Variants in MTCL1 observed in about 807,000 individuals in gnomAD.
MTCL1 encodes microtubule cross-linking factor 1.
In MTCL1, 79 loss-of-function variants were observed where a neutral mutation model predicts 141.4. That is an observed-to-expected ratio of 0.56 (90% CI 0.47 to 0.67). MTCL1 has a LOEUF of 0.67. Ranked by LOEUF, MTCL1 falls within the 30% of genes least tolerant of loss-of-function variation. The pLI is 0.00. For synonymous variants in MTCL1, 914 were observed against 875.8 expected (o/e 1.04, Z -0.77); for missense variants, 2,177 against 2,113.9 (o/e 1.03, Z -0.59).
At chr18:8,801,386 C>T (rs1404226033) in intron 10 of MTCL1, among the ~76,000 whole-genome samples, 2 of 151,582 alleles carry the variant, frequency 1.3e-5, no homozygotes, top group South Asian at 2.1e-4. Context: ...TACGTCATAC[C>T]GTGATTCATT....
chr18:8,705,947 G>T lies in MTCL1; in HGVS notation c.287G>T (p.Arg96Leu). 1.0e-5 allele frequency: 11 copies of T among 1,099,006 alleles called. No individual in the cohort carries two copies. The highest frequency in any genetic ancestry group is 1.2e-5 in the Non-Finnish European group (11 of 905,430). The allele number at this position is 1,099,006 out of a possible 1,614,324, so 68.1% of individuals were successfully genotyped here. Residue 96 changes from arginine (R) to leucine (L), a missense_variant, in exon 1 of 14, where the codon CGC becomes CTC. Transcript: ENST00000306329. This position sits in a 1 kb window ranked among gnomAD's most constrained non-coding sequence, Gnocchi z 5.2. ...CCGGGGTCCCTGGCCGCGCCCGGCC[G>T]CCTCTCTCGGCGCAGTGGCGGCGTC...
chr18:8,819,387 T>C (rs1598800049), intron 13 of MTCL1, 128 bp downstream of exon 12: 1 of 906,674 alleles, frequency 1.1e-6, no homozygotes, highest in Admixed American at 2.8e-5. Context: ...AACCTCCGAA[T>C]TGAGTAAAAA....
chr18:8,825,377 C>G, exon 15 of MTCL1: 1 of 1,538,272 alleles, frequency 6.5e-7, no homozygotes, highest in Non-Finnish European at 8.8e-7. Context: ...AGGTGGCCTT[C>G]TCTGTCAGGA....
intron 3 of MTCL1, 62 bp downstream of exon 2, chr18:8,718,710 C>T (rs1044915536): frequency 4.7e-6 from 7 of 1,487,154 alleles, no homozygotes; most frequent in African/African-American, 2.8e-5. Flanking sequence ...GCCACATGCA[C>T]GTTGCCCTGG....
chr18:8,798,236 T>C (rs772563821), exon 10 of MTCL1: 32 of 1,588,852 alleles, frequency 2.0e-5, no homozygotes, highest in Non-Finnish European at 2.6e-5. Flanking sequence ...CGGGTGCAGA[T>C]TGGAGATCAC....
intron 4 of MTCL1, among the ~76,000 whole-genome samples, chr18:8,771,883 G>C (rs1458200647): frequency 5.9e-5 from 9 of 152,246 alleles, no homozygotes; most frequent in Non-Finnish European, 2.9e-5. Context: ...GGGGGTTCCT[G>C]TTATTTAATA....
chr18:8,705,600 C>CCGCCGCCGA, upstream of MTCL1: 1 of 1,206,366 alleles, frequency 8.3e-7, no homozygotes, highest in Non-Finnish European at 1.0e-6. The surrounding 1 kb of genome is among the most constrained non-coding windows in gnomAD (Gnocchi z 5.2). Flanking sequence ...GCCGCCGCCG[C>CCGCCGCCGA]CGCCGCCGCC....
exon 13 of MTCL1, chr18:8,819,129 C>T (rs1245691069): frequency 6.2e-7 from 1 of 1,614,266 alleles, no homozygotes; most frequent in Non-Finnish European, 8.5e-7. Flanking sequence ...CGGCCGCTGT[C>T]CAAGCTGAAG....
chr18:8,706,631 A>T, exon 1 of MTCL1: 1 of 1,542,232 alleles, frequency 6.5e-7, no homozygotes, highest in Non-Finnish European at 8.7e-7. Context: ...CTGGGCGAGC[A>T]GTCTCGGCTC....
chr18:8,783,700 A>G, exon 6 of MTCL1: 1 of 1,608,990 alleles, frequency 6.2e-7, no homozygotes, highest in African/African-American at 1.3e-5. Flanking sequence ...CGGGGGAAGC[A>G]GGCGGGCCCC....
intron 16 of MTCL1, 139 bp from the exon 15 acceptor site, chr18:8,831,468 G>A: frequency 6.9e-7 from 1 of 1,444,408 alleles, no homozygotes; most frequent in South Asian, 1.5e-5. Flanking sequence ...CATGAGCATA[G>A]AAAGTAGTTA....
chr18:8,793,068 C>G (rs550231402), exon 8 of MTCL1: 3 of 1,614,106 alleles, frequency 1.9e-6, no homozygotes, highest in Non-Finnish European at 2.5e-6. Flanking sequence ...CTCGTGCAGG[C>G]GGCCAGACTG....
chr18:8,734,208 C>T (rs973969437), intron 4 of MTCL1, among the ~76,000 whole-genome samples: 1 of 151,792 alleles, frequency 6.6e-6, no homozygotes, highest in Admixed American at 6.6e-5. Context: ...CTGGTAGCAC[C>T]CCCCCTCCCC....
intron 14 of MTCL1, 53 bp downstream of exon 13, chr18:8,821,551 T>C: frequency 9.1e-7 from 1 of 1,100,364 alleles, no homozygotes; most frequent in South Asian, 1.5e-5. Flanking sequence ...TGTCTTGGTC[T>C]TAAAATGTTG....
chr18:8,738,066 T>G (rs193105031), intron 4 of MTCL1, among the ~76,000 whole-genome samples: 10 of 152,308 alleles, frequency 6.6e-5, no homozygotes, highest in Non-Finnish European at 1.0e-4. Flanking sequence ...ATCATTTCCT[T>G]CCAAAAGAGT....
At chr18:8,777,946 A>C (rs2096517892) in intron 5 of MTCL1, 54 bp downstream of exon 4, 61 of 1,526,700 alleles carry the variant, frequency 4.0e-5, no homozygotes, top group Non-Finnish European at 5.1e-5. Context: ...AAGTCAACTC[A>C]TTTTGAATGT....
At chr18:8,813,284 T>C (rs1251830521) in intron 12 of MTCL1, 51 bp downstream of exon 11, 2 of 1,563,954 alleles carry the variant, frequency 1.3e-6, no homozygotes, top group South Asian at 1.2e-5. Flanking sequence ...TGTAGACTGC[T>C]CAGTGGACCC....
intron 9 of MTCL1, among the ~76,000 whole-genome samples, chr18:8,797,295 A>G (rs1204188348): frequency 6.6e-6 from 1 of 152,202 alleles, no homozygotes; most frequent in Non-Finnish European, 1.5e-5. Flanking sequence ...GATCTTTTCT[A>G]AGCTTCAGAT....
At chr18:8,794,901 A>G (rs2075861446) in intron 8 of MTCL1, among the ~76,000 whole-genome samples, 1 of 152,194 alleles carries the variant, frequency 6.6e-6, no homozygotes, top group South Asian at 2.1e-4. Context: ...AAAAGATCCC[A>G]TGACCGTTAC....
Sources: allele counts gnomAD v4.1 joint callset (sites outside exome capture counted in the v4.1 genomes callset), GRCh38; gene constraint gnomAD v4.1.1; non-coding constraint Gnocchi (gnomAD v3.1); transcripts MANE v1.5; gene names NCBI Gene and HGNC (gene_info 2026-07-23, HGNC 2026-07-21).